RERG: variants seen among roughly 807,000 people sequenced by gnomAD.
The protein encoded by RERG is ras-related and estrogen-regulated growth inhibitor.
Under a neutral mutation model 23.2 loss-of-function variants are expected in RERG, and 25 were observed. The observed-to-expected ratio is 1.08, with a 90% confidence interval of 0.79 to 1.50. RERG has a LOEUF of 1.50. RERG is among the 40% of genes most tolerant of loss of function. The probability of loss-of-function intolerance (pLI) is 0.00; values close to 1 mark genes in which losing one functional copy is unlikely to be tolerated. For synonymous variants in RERG, 81 were observed against 89.1 expected, an observed-to-expected ratio of 0.91 and a Z score of 0.51; for missense variants, 253 against 250.1, an observed-to-expected ratio of 1.01 and a Z score of -0.08.
chr12:15,122,162 C>T (rs1360786474), intron 2 of RERG, among the ~76,000 whole-genome samples: 1 of 152,012 alleles, frequency 6.6e-6, no homozygotes, highest in Non-Finnish European at 1.5e-5. Flanking sequence ...CTCCATAGAC[C>T]CCTGATGGCC....
intron 3 of RERG, among the ~76,000 whole-genome samples, chr12:15,115,815 A>G (rs1020966708): frequency 3.3e-5 from 5 of 152,172 alleles, no homozygotes; most frequent in African/African-American, 1.2e-4. Flanking sequence ...CCTGTCCAAA[A>G]TACAAACTGT....
At chr12:15,148,847 GTTTTTTTTTTTTTTTTTTTTTTTTTT>G (rs56033971) in intron 2 of RERG, among the ~76,000 whole-genome samples, 44 of 45,562 alleles carry the variant, frequency 9.7e-4, no homozygotes, top group Non-Finnish European at 1.6e-3. Flanking sequence ...CTTTAACTCT[GTTTTTTTTTTTTTTTTTTTTTTTTTT>G]TTTTTTTTTT....
At chr12:15,193,984 T>C (rs1865108022) in intron 2 of RERG, among the ~76,000 whole-genome samples, 1 of 151,936 alleles carries the variant, frequency 6.6e-6, no homozygotes, top group Non-Finnish European at 1.5e-5. Flanking sequence ...CATCCCTCCC[T>C]CCAAAAGGAT....
Position 15,192,267 on chromosome 12 carries a change from C to A in RERG, c.61+25162G>T, listed in dbSNP as rs531933763. On this transcript the variant is annotated intron_variant, in intron 2 of 4. Transcript: ENST00000256953. ...ATGCCTGCTTGCCTTCTGCCTTCTG[C>A]GATGATTGGAAGCTTCCTGAGGTCT... 6.8e-4 allele frequency among the ~76,000 whole-genome samples: 104 copies of A among 152,228 alleles called. 1 individual carries two copies. The South Asian group carries it at 0.021, about 31-fold the overall frequency.
At chr12:15,219,225 A>C (rs749917749) in intron 1 of RERG, among the ~76,000 whole-genome samples, 1 of 152,206 alleles carries the variant, frequency 6.6e-6, no homozygotes, top group Non-Finnish European at 1.5e-5. Flanking sequence ...TCCATCTATA[A>C]ATTTTTACAA....
At position 15,169,730 on chromosome 12, in the gene RERG, T is replaced by C. The variant is rs1422238333; in HGVS notation, c.61+47699A>G. 2.0e-5 allele frequency among the ~76,000 whole-genome samples: 3 copies of C among 152,182 alleles called. No individual in the cohort carries two copies. In the East Asian group the frequency reaches 5.8e-4, roughly 29 times the overall value. On this transcript the variant is annotated intron_variant, in intron 2 of 4. Transcript: ENST00000256953. ...AATACAAAGGATTCCCTCTCAGATA[T>C]GTATAGAAATTTATTTTTATGAGTT... is the stretch of plus-strand genomic sequence containing the variant.
intron 2 of RERG, among the ~76,000 whole-genome samples, chr12:15,213,202 C>T (rs1156744025): frequency 6.6e-6 from 1 of 152,202 alleles, no homozygotes; most frequent in African/African-American, 2.4e-5. Context: ...GCTAAATTTA[C>T]AATTTCAGTT....
chr12:15,180,146 A>G (rs1194067501), intron 2 of RERG, among the ~76,000 whole-genome samples: 1 of 152,194 alleles, frequency 6.6e-6, no homozygotes, highest in African/African-American at 2.4e-5. Flanking sequence ...GAAATACAAT[A>G]TAATAGTGTC....
At chr12:15,191,759 C>G (rs1199319479) in intron 2 of RERG, among the ~76,000 whole-genome samples, 1 of 152,138 alleles carries the variant, frequency 6.6e-6, no homozygotes, top group African/African-American at 2.4e-5. Flanking sequence ...TTGGCCCATT[C>G]CTACTCATCT....
At chr12:15,206,991 T>C (rs1313152745) in intron 2 of RERG, among the ~76,000 whole-genome samples, 6 of 152,118 alleles carry the variant, frequency 3.9e-5, no homozygotes, top group African/African-American at 1.2e-4. Flanking sequence ...ACCTTTGTTA[T>C]GGCAAATCTC....
At chr12:15,124,761 G>C (rs1490529353) in intron 2 of RERG, among the ~76,000 whole-genome samples, 1 of 151,758 alleles carries the variant, frequency 6.6e-6, no homozygotes, top group Non-Finnish European at 1.5e-5. Context: ...AAAGTATTAT[G>C]TATTTATGGG....
chr12:15,170,883 C>A (rs1864768388), intron 2 of RERG, among the ~76,000 whole-genome samples: 1 of 152,214 alleles, frequency 6.6e-6, no homozygotes, highest in Non-Finnish European at 1.5e-5. Context: ...AAACCAACTA[C>A]TAATACTTCC....
chr12:15,111,596 T>C (rs1232294498), intron 3 of RERG, among the ~76,000 whole-genome samples, 179 bp from the exon 4 acceptor site: 4 of 152,066 alleles, frequency 2.6e-5, no homozygotes, highest in Admixed American at 6.5e-5. Context: ...TCTTAGCTCC[T>C]GGACATACCA....
At position 15,214,914 on chromosome 12, in the gene RERG, ACAATTT is replaced by A. The variant is rs1277115370; in HGVS notation, c.61+2509_61+2514del. On this transcript the variant is annotated intron_variant, in intron 2 of 4. Coordinates refer to ENST00000256953, the MANE Select transcript of RERG (RefSeq NM_032918.3). ...TCACTGAACTATGGAAAAAGGTTTC[ACAATTT>A]TCACCCATGCATCAAACGAGTGCTA... Among the ~76,000 whole-genome samples the A allele has an allele frequency of 3.7e-4, 56 of 152,354 alleles. No individual in the cohort carries two copies. In the South Asian group the frequency reaches 5.8e-3, roughly 16 times the overall value.
Position 15,121,082 on chromosome 12 carries a change from C to T in RERG, c.99G>A (p.Trp33Ter). ...ACCTACCGAGGGTGGGATCATATTC[C>T]CAGATGAACCGTTTGGTCAGAAATC... Reference protein sequence around the residue: ...VVRFLTKRFIWEYDPTLESTY... With the variant: ...VVRFLTKRFI The change falls in exon 3 of 5, where the codon TGG becomes TGA. Residue 33 changes from tryptophan (W) to a stop codon, truncating the protein, a stop_gained. Coordinates refer to ENST00000256953, the MANE Select transcript of RERG (RefSeq NM_032918.3). LOFTEE classifies it high-confidence loss of function. 1 of 1,613,178 alleles carries T rather than the reference C, an allele frequency of 6.2e-7. No individual in the cohort carries two copies. The highest frequency in any genetic ancestry group is 1.1e-5 in the South Asian group (1 of 90,958).
intron 2 of RERG, among the ~76,000 whole-genome samples, chr12:15,188,208 G>A (rs183166660): frequency 1.3e-5 from 2 of 152,264 alleles, no homozygotes; most frequent in Non-Finnish European, 2.9e-5. Flanking sequence ...TTCCAGCAGT[G>A]TTTTGTTTCT....
At chr12:15,153,795 A>G (rs1864480082) in intron 2 of RERG, among the ~76,000 whole-genome samples, 1 of 152,216 alleles carries the variant, frequency 6.6e-6, no homozygotes, top group South Asian at 2.1e-4. Context: ...CTCAAAGGAC[A>G]CTGAAGTCCT....
Position 15,154,610 on chromosome 12 carries a change from A to G in RERG, c.62-33491T>C, listed in dbSNP as rs141593123. On this transcript the variant is annotated intron_variant, in intron 2 of 4. Coordinates refer to ENST00000256953, the MANE Select transcript of RERG (RefSeq NM_032918.3). The stretch of plus-strand genomic sequence containing the variant: ...AACACTGCAATTATAGGCAGCAACC[A>G]TGGACATCCGCTGATGGCCAAAGAA... Among the ~76,000 whole-genome samples, 897 of 152,314 alleles carry G rather than the reference A, an allele frequency of 5.9e-3. 10 individuals carry two copies. Among genetic ancestry groups the G allele is most frequent in the Middle Eastern group, 0.054 (16 of 294 alleles).
At position 15,134,298 on chromosome 12, in the gene RERG, AT is replaced by A. The variant is rs554940899; in HGVS notation, c.62-13180del. Among the ~76,000 whole-genome samples the A allele has an allele frequency of 1.6e-3, 245 of 151,992 alleles. 4 individuals are homozygous for A. Among genetic ancestry groups the A allele is most frequent in the African/African-American group, 5.7e-3 (238 of 41,488 alleles). On this transcript the variant is annotated intron_variant, in intron 2 of 4. Coordinates refer to ENST00000256953, the MANE Select transcript of RERG (RefSeq NM_032918.3). ...TGGCATAATATCTATATCCAGGTTCATTTTTTTCTTTTTCTTTTCTTCTTTT... is the reference window on the plus strand; with the variant it reads ...TGGCATAATATCTATATCCAGGTTCATTTTTTCTTTTTCTTTTCTTCTTTT...
Sources: allele counts gnomAD v4.1 joint callset (sites outside exome capture counted in the v4.1 genomes callset), GRCh38; gene constraint gnomAD v4.1.1; transcripts MANE v1.5; gene names NCBI Gene and HGNC (gene_info 2026-07-23, HGNC 2026-07-21).